The following PSMB7 variants were observed in gnomAD, a reference collection of about 807,000 sequenced individuals.
The protein encoded by PSMB7 is proteasome 20S subunit beta 7.
A neutral mutation model predicts 28.1 loss-of-function variants in PSMB7; 5 were observed. The observed-to-expected ratio is 0.18, with a 90% CI of 0.09 to 0.37. PSMB7 has a LOEUF of 0.37. Ranked by LOEUF, PSMB7 falls within the 10% of genes least tolerant of loss-of-function variation. PSMB7 has a pLI of 1.00. For synonymous variants in PSMB7, 122 were observed against 123.7 expected (o/e 0.99, Z 0.09); for missense variants, 275 against 346.2 (o/e 0.79, Z 1.63).
intron 6 of PSMB7, among the ~76,000 whole-genome samples, chr9:124,381,276 CAG>C (rs1830662064): frequency 6.6e-6 from 1 of 152,226 alleles, no homozygotes; most frequent in Non-Finnish European, 1.5e-5. Flanking sequence ...GATCAGGAAA[CAG>C]AAAGACTTTG....
chr9:124,376,896 A>G (rs927959621), intron 6 of PSMB7, among the ~76,000 whole-genome samples: 1 of 152,224 alleles, frequency 6.6e-6, no homozygotes, highest in African/African-American at 2.4e-5. Context: ...TGGAGACAAC[A>G]AAGTACTGAC....
chr9:124,384,752 C>G, intron 5 of PSMB7, 96 bp from the exon 6 acceptor site: 1 of 1,067,810 alleles, frequency 9.4e-7, no homozygotes. Context: ...AAAACATGCC[C>G]AGTGTCTCAT....
chr9:124,396,617 T>C (rs1278357579), intron 5 of PSMB7: 3 of 370,052 alleles, frequency 8.1e-6, no homozygotes, highest in African/African-American at 2.1e-5. Flanking sequence ...TAATGGTGCA[T>C]AGCAATGTTT....
intron 7 of PSMB7, among the ~76,000 whole-genome samples, chr9:124,355,282 G>A (rs557667089): frequency 1.4e-4 from 21 of 152,348 alleles, no homozygotes; most frequent in East Asian, 5.8e-4. Context: ...GCCGCAAGGC[G>A]GTTTTCTTTT....
In PSMB7 at chr9:124,356,029, A is replaced by G. The variant is rs1333306127; in HGVS notation, c.722+735T>C. On this transcript the variant is annotated intron_variant, in intron 7 of 7. Transcript: ENST00000259457. This position sits in a 1 kb window ranked among gnomAD's most constrained non-coding sequence, Gnocchi z 4.4. ...TATAAATGCCCTGTGCTGCACCCAG[A>G]TGCTGCAGCTGGAAGCAGCACTCAG... Among the ~76,000 whole-genome samples, 2 of 152,094 alleles carry G rather than the reference A, an allele frequency of 1.3e-5. No homozygotes were observed. The highest frequency in any genetic ancestry group is 1.9e-4 in the East Asian group (1 of 5,184).
intron 6 of PSMB7, among the ~76,000 whole-genome samples, chr9:124,377,317 A>C (rs1251664360): frequency 6.6e-6 from 1 of 152,170 alleles, no homozygotes; most frequent in Non-Finnish European, 1.5e-5. Context: ...CCCAAGCCCC[A>C]TGCCCCTTTC....
chr9:124,381,137 T>A (rs1830660685), intron 6 of PSMB7, among the ~76,000 whole-genome samples: 1 of 152,138 alleles, frequency 6.6e-6, no homozygotes, highest in African/African-American at 2.4e-5. Context: ...GATAACCACG[T>A]AAGGTTAGCG....
chr9:124,385,159 T>C (rs972610280), intron 5 of PSMB7, among the ~76,000 whole-genome samples: 1 of 152,220 alleles, frequency 6.6e-6, no homozygotes, highest in African/African-American at 2.4e-5. Context: ...GCAATGGTAA[T>C]AGGACTGCGA....
At chr9:124,374,761 C>A (rs145215115) in intron 6 of PSMB7, among the ~76,000 whole-genome samples, 2 of 152,120 alleles carry the variant, frequency 1.3e-5, no homozygotes, top group East Asian at 3.9e-4. Flanking sequence ...GCATTCAAGG[C>A]TACAGTGAGT....
In PSMB7 at chr9:124,368,816, AC is replaced by A. The variant is rs1268395515; in HGVS notation, c.571-11902del. On this transcript the variant is annotated intron_variant, in intron 6 of 7. Coordinates refer to ENST00000259457, the MANE Select transcript of PSMB7 (RefSeq NM_002799.4). ...TGTCCTCGTAATGATCCCTTCAAGT[AC>A]CAACTTCAGGCCATTTCATGAGAGT... Among the ~76,000 whole-genome samples, 56 of 152,344 alleles carry A rather than the reference AC, an allele frequency of 3.7e-4. 1 individual carries two copies. The highest frequency in any genetic ancestry group is 1.3e-3 in the African/African-American group (53 of 41,578).
At chr9:124,374,200 G>C (rs1830587696) in intron 6 of PSMB7, among the ~76,000 whole-genome samples, 1 of 152,212 alleles carries the variant, frequency 6.6e-6, no homozygotes, top group Admixed American at 6.5e-5. Flanking sequence ...TACAGAGATA[G>C]TGGATTAGTT....
At chr9:124,402,856 A>G (rs1052838013) in intron 5 of PSMB7, among the ~76,000 whole-genome samples, 3 of 152,248 alleles carry the variant, frequency 2.0e-5, no homozygotes, top group East Asian at 1.9e-4. Flanking sequence ...TAAAATTACC[A>G]TAAGTATCTT....
At chr9:124,361,179 G>A (rs961547574) in intron 6 of PSMB7, among the ~76,000 whole-genome samples, 11 of 152,146 alleles carry the variant, frequency 7.2e-5, no homozygotes, top group South Asian at 2.1e-4. Context: ...TCAGTCCCCC[G>A]GGCCACCCCT....
chr9:124,412,734 G>A (rs1357715406), intron 3 of PSMB7, among the ~76,000 whole-genome samples: 1 of 152,152 alleles, frequency 6.6e-6, no homozygotes, highest in African/African-American at 2.4e-5. Context: ...TGGTTTCTGT[G>A]ATAACAGTGT....
At chr9:124,409,233 T>C (rs531958776) in intron 4 of PSMB7, among the ~76,000 whole-genome samples, 2 of 152,260 alleles carry the variant, frequency 1.3e-5, no homozygotes, top group Admixed American at 1.3e-4. Flanking sequence ...AAACCAAGAG[T>C]GATGCTCCCT....
intron 7 of PSMB7, among the ~76,000 whole-genome samples, chr9:124,355,288 C>T (rs1054527983): frequency 1.5e-4 from 23 of 152,216 alleles, no homozygotes; most frequent in Non-Finnish European, 2.8e-4. Context: ...AGGCGGTTTT[C>T]TTTTGTTCTT....
At position 124,414,010 on chromosome 9, in the gene PSMB7, TAA is replaced by T. The variant is rs561738828; in HGVS notation, c.157-7_157-6del. 4 of 1,484,348 alleles carry T rather than the reference TAA, an allele frequency of 2.7e-6. No homozygotes were observed. The highest frequency in any genetic ancestry group is 1.2e-5 in the South Asian group (1 of 80,852). The allele number at this position is 1,484,348 out of a possible 1,614,324, so 91.9% of individuals were successfully genotyped here. On this transcript the variant is annotated splice_region_variant and splice_polypyrimidine_tract_variant and intron_variant, in intron 2 of 7. Coordinates refer to ENST00000259457, the MANE Select transcript of PSMB7 (RefSeq NM_002799.4). ...TGCTCCAAGAACTATGCCATCCTAT[TAA>T]AAAAAAAAGTTTTTAAACAATTTTA...
At chr9:124,389,200 C>CA (rs1830759074) in intron 5 of PSMB7, among the ~76,000 whole-genome samples, 1 of 152,226 alleles carries the variant, frequency 6.6e-6, no homozygotes, top group South Asian at 2.1e-4. Context: ...TTAAAAACCA[C>CA]AAAACCAAGT....
intron 5 of PSMB7, among the ~76,000 whole-genome samples, chr9:124,397,593 T>C (rs1277114864): frequency 6.6e-6 from 1 of 152,212 alleles, no homozygotes; most frequent in Non-Finnish European, 1.5e-5. Flanking sequence ...GGTTAATTTA[T>C]AGCTTCCAGC....
Sources: allele counts gnomAD v4.1 joint callset (sites outside exome capture counted in the v4.1 genomes callset), GRCh38; gene constraint gnomAD v4.1.1; non-coding constraint Gnocchi (gnomAD v3.1); transcripts MANE v1.5; gene names NCBI Gene and HGNC (gene_info 2026-07-23, HGNC 2026-07-21).